Variants in ADAMTS2 observed in about 807,000 individuals in gnomAD.
ADAMTS2 encodes the protein A disintegrin and metalloproteinase with thrombospondin motifs 2.
Under a neutral mutation model 123.0 loss-of-function variants are expected in ADAMTS2, and 50 were observed. The observed-to-expected ratio is 0.41, with a 90% CI of 0.32 to 0.51. The LOEUF is 0.51. ADAMTS2 is among the 20% of genes least tolerant of loss of function. ADAMTS2 has a pLI of 0.35. For synonymous variants in ADAMTS2, 678 were observed against 695.4 expected (o/e 0.98, Z 0.39); for missense variants, 1,494 against 1,705.2 (o/e 0.88, Z 2.18).
At chr5:179,287,405 C>T (rs953560106) in intron 2 of ADAMTS2, among the ~76,000 whole-genome samples, 20 of 152,178 alleles carry the variant, frequency 1.3e-4, no homozygotes, top group Admixed American at 1.1e-3. Flanking sequence ...AGGACCCCTC[C>T]GCCAGCAGCA....
chr5:179,199,670 T>C (rs1764516915), intron 4 of ADAMTS2, among the ~76,000 whole-genome samples: 1 of 152,070 alleles, frequency 6.6e-6, no homozygotes, highest in Admixed American at 6.5e-5. Context: ...CTGAGGAGCC[T>C]CCCCTCGGCA....
intron 3 of ADAMTS2, among the ~76,000 whole-genome samples, chr5:179,239,436 G>A (rs1020891660): frequency 1.3e-5 from 2 of 152,146 alleles, no homozygotes; most frequent in Admixed American, 1.3e-4. Context: ...GAGGGTGAGC[G>A]CGAGTTCAGT....
intron 3 of ADAMTS2, among the ~76,000 whole-genome samples, chr5:179,218,967 G>A: frequency 6.6e-6 from 1 of 152,166 alleles, no homozygotes; most frequent in East Asian, 1.9e-4. Context: ...ACCTGGGGTT[G>A]CACAGCACGG....
intron 2 of ADAMTS2, among the ~76,000 whole-genome samples, chr5:179,287,820 G>A (rs1242769423): frequency 2.0e-5 from 3 of 152,186 alleles, no homozygotes; most frequent in African/African-American, 7.2e-5. Flanking sequence ...CAGCAGTGTG[G>A]GGAAGACACA....
In ADAMTS2 at chr5:179,162,597, C is replaced by T. The variant is rs1243724786; in HGVS notation, c.976-3718G>A. Among the ~76,000 whole-genome samples the T allele has an allele frequency of 6.6e-6, 1 of 152,182 alleles. No homozygotes were observed. Among genetic ancestry groups the T allele is most frequent in the Admixed American group, 6.5e-5 (1 of 15,284 alleles). The stretch of plus-strand genomic sequence containing the variant: ...GGCCGTCACCCATGTCAGCTTTACC[C>T]CACACGGTCGCCCCTGCTCGAGGGA... On this transcript the variant is annotated intron_variant, in intron 5 of 21. Coordinates refer to ENST00000251582, the MANE Select transcript of ADAMTS2 (RefSeq NM_014244.5). This position sits in a 1 kb window ranked among gnomAD's most constrained non-coding sequence, Gnocchi z 5.1.
chr5:179,180,561 G>A lies in ADAMTS2; in HGVS notation c.975+511C>T, dbSNP rs773819535. Among the ~76,000 whole-genome samples the A allele has an allele frequency of 8.5e-5, 13 of 152,154 alleles. No individual in the cohort carries two copies. The Middle Eastern group carries it at 0.01, about 119-fold the overall frequency. ...TCAGATACAAACCAACCAATCCAGC[G>A]CCCATGTCCCCAGCCACCTCCTTTA... is the stretch of plus-strand genomic sequence containing the variant. On this transcript the variant is annotated intron_variant, in intron 5 of 21. Coordinates refer to ENST00000251582, the MANE Select transcript of ADAMTS2 (RefSeq NM_014244.5). This position sits in a 1 kb window ranked among gnomAD's most constrained non-coding sequence, Gnocchi z 4.6.
At chr5:179,253,301 T>A (rs1441917103) in intron 3 of ADAMTS2, among the ~76,000 whole-genome samples, 1 of 152,194 alleles carries the variant, frequency 6.6e-6, no homozygotes, top group African/African-American at 2.4e-5. Context: ...GATCTCAATT[T>A]GTCTTGGTTT....
At chr5:179,166,302 C>T (rs1763695885) in intron 5 of ADAMTS2, among the ~76,000 whole-genome samples, 1 of 152,192 alleles carries the variant, frequency 6.6e-6, no homozygotes, top group African/African-American at 2.4e-5. Flanking sequence ...CTGTTTGGCT[C>T]CCCTGGCCCG....
chr5:179,182,358 G>T (rs3797602), intron 4 of ADAMTS2, among the ~76,000 whole-genome samples: 62,894 of 151,952 alleles, frequency 0.41, 13,871 homozygotes, highest in East Asian at 0.77. Flanking sequence ...TCCGGACATG[G>T]CCAAGACATA....
chr5:179,198,837 G>GA (rs966397918), intron 4 of ADAMTS2, among the ~76,000 whole-genome samples: 3,475 of 127,508 alleles, frequency 0.027, 47 homozygotes, highest in Non-Finnish European at 0.036. Context: ...CTATCTCAAG[G>GA]AAAAAAAAAA....
At chr5:179,337,202 G>T (rs1003548136) in intron 2 of ADAMTS2, among the ~76,000 whole-genome samples, 6 of 152,106 alleles carry the variant, frequency 3.9e-5, no homozygotes, top group Admixed American at 2.0e-4. Context: ...GGGGATGGGG[G>T]TGTCTAACGT....
chr5:179,215,701 T>A (rs888230312), intron 3 of ADAMTS2, among the ~76,000 whole-genome samples: 1 of 152,134 alleles, frequency 6.6e-6, no homozygotes, highest in Non-Finnish European at 1.5e-5. Context: ...ACAGACTTGG[T>A]ACATCAAGAA....
At chr5:179,250,342 G>T (rs1765890063) in intron 3 of ADAMTS2, among the ~76,000 whole-genome samples, 1 of 152,064 alleles carries the variant, frequency 6.6e-6, no homozygotes, top group African/African-American at 2.4e-5. Context: ...TAAATAAAAG[G>T]CATCCACATT....
intron 2 of ADAMTS2, among the ~76,000 whole-genome samples, chr5:179,325,862 G>C (rs1002083213): frequency 6.6e-6 from 1 of 150,726 alleles, no homozygotes; most frequent in African/African-American, 2.5e-5. Context: ...CTGTGGGAGG[G>C]ACAGGGGCAC....
chr5:179,120,378 A>G (rs1052831468), intron 21 of ADAMTS2: 2 of 152,264 alleles, frequency 1.3e-5, no homozygotes, highest in African/African-American at 4.8e-5. Flanking sequence ...TCCCTGATAA[A>G]CCAAAGTGCA....
intron 15 of ADAMTS2, among the ~76,000 whole-genome samples, chr5:179,131,919 G>A (rs920372696): frequency 2.0e-5 from 3 of 152,166 alleles, no homozygotes; most frequent in Non-Finnish European, 2.9e-5. Flanking sequence ...GGGCCTTCCC[G>A]CCCCGACTGT....
At chr5:179,296,561 C>G (rs534194914) in intron 2 of ADAMTS2, among the ~76,000 whole-genome samples, 1 of 152,102 alleles carries the variant, frequency 6.6e-6, no homozygotes, top group Non-Finnish European at 1.5e-5. Flanking sequence ...AGGCAGGGAG[C>G]AAGTACAGCA....
chr5:179,289,129 T>G (rs982758986), intron 2 of ADAMTS2, among the ~76,000 whole-genome samples: 1 of 152,080 alleles, frequency 6.6e-6, no homozygotes, highest in African/African-American at 2.4e-5. Context: ...TGCAGGGCTC[T>G]GCTCACACCC....
At position 179,185,057 on chromosome 5, in the gene ADAMTS2, G is replaced by A. The variant is rs1764137382; in HGVS notation, c.892-3902C>T. On this transcript the variant is annotated intron_variant, in intron 4 of 21. Transcript: ENST00000251582. This position sits in a 1 kb window ranked among gnomAD's most constrained non-coding sequence, Gnocchi z 5.9. ...CAGCCCATGCAAACCTCCCAGGGTT[G>A]GAAGCAGCGAGGCACCTTCCAAGCA... 6.6e-6 allele frequency among the ~76,000 whole-genome samples: 1 copy of A among 152,136 alleles called. No individual in the cohort carries two copies. Among genetic ancestry groups the A allele is most frequent in the Non-Finnish European group, 1.5e-5 (1 of 68,016 alleles).
Sources: gnomAD v4.1 joint callset for allele counts (sites outside exome capture counted in the v4.1 genomes callset) on GRCh38, gnomAD v4.1.1 for gene constraint, Gnocchi (gnomAD v3.1) non-coding constraint, MANE v1.5 for transcripts, NCBI Gene and HGNC (gene_info 2026-07-23, HGNC 2026-07-21) for gene names.